XKR6: variants seen among roughly 807,000 people sequenced by gnomAD.
The protein encoded by XKR6 is XK related 6, also known as XK-related protein 6.
Under a neutral mutation model 56.7 loss-of-function variants are expected in XKR6, and 22 were observed. The observed-to-expected ratio is 0.39, with a 90% CI of 0.28 to 0.55. XKR6 has a LOEUF of 0.55. Ranked by LOEUF, XKR6 falls within the 20% of genes least tolerant of loss-of-function variation. The pLI is 0.66. For missense variants in XKR6, 852 were observed against 889.0 expected (o/e 0.96, Z 0.53); for synonymous variants, 524 against 387.8 (o/e 1.35, Z -4.13).
chr8:11,138,586 T>C (rs990332997), intron 1 of XKR6: 2 of 152,216 alleles, frequency 1.3e-5, no homozygotes, highest in African/African-American at 4.8e-5. Flanking sequence ...AGCAAAACTG[T>C]CTCTTATTTA....
chr8:11,165,305 G>T (rs1033434669), intron 1 of XKR6, among the ~76,000 whole-genome samples: 4 of 151,906 alleles, frequency 2.6e-5, no homozygotes, highest in African/African-American at 9.7e-5. Flanking sequence ...TCACCATGTT[G>T]GCCAGGCTGG....
chr8:11,198,525 AAAAT>A (rs1804017321), intron 1 of XKR6, among the ~76,000 whole-genome samples: 1 of 152,166 alleles, frequency 6.6e-6, no homozygotes, highest in Non-Finnish European at 1.5e-5. Context: ...AGAAAAAAAA[AAAAT>A]ACTACCCTAC....
intron 1 of XKR6, among the ~76,000 whole-genome samples, chr8:11,130,081 C>T (rs1800028385): frequency 6.6e-6 from 1 of 152,080 alleles, no homozygotes; most frequent in Non-Finnish European, 1.5e-5. Context: ...ATTACATACT[C>T]AAAACACACA....
chr8:11,186,225 C>T (rs980222868), intron 1 of XKR6, among the ~76,000 whole-genome samples: 3 of 152,122 alleles, frequency 2.0e-5, no homozygotes, highest in African/African-American at 7.2e-5. Flanking sequence ...GGTACCTGAT[C>T]TACACAGAAT....
At chr8:11,152,189 G>A (rs1801301347) in intron 1 of XKR6, among the ~76,000 whole-genome samples, 1 of 152,156 alleles carries the variant, frequency 6.6e-6, no homozygotes, top group Non-Finnish European at 1.5e-5. Context: ...TGAATGCTAA[G>A]GACATTAGTG....
At chr8:11,060,577 A>T (rs538944842) in intron 1 of XKR6, among the ~76,000 whole-genome samples, 1 of 152,290 alleles carries the variant, frequency 6.6e-6, no homozygotes, top group South Asian at 2.1e-4. Flanking sequence ...TCCTGCATAC[A>T]AGGGACTAAG....
chr8:11,191,700 A>G (rs1165137761), intron 1 of XKR6, among the ~76,000 whole-genome samples: 1 of 135,900 alleles, frequency 7.4e-6, no homozygotes, highest in Non-Finnish European at 1.5e-5. Context: ...CAATGTCATG[A>G]GAAAAAAAAA....
chr8:11,137,233 G>A (rs3021495), intron 1 of XKR6: 3 of 237,880 alleles, frequency 1.3e-5, no homozygotes, highest in East Asian at 1.3e-4. Context: ...TGTATGTGGT[G>A]AGGAAAGCGG....
intron 1 of XKR6, chr8:11,109,172 T>A (rs1272715750): frequency 6.6e-6 from 1 of 152,212 alleles, no homozygotes; most frequent in Non-Finnish European, 1.5e-5. Flanking sequence ...GTGTAAGGTT[T>A]TCTTTGGAAC....
chr8:10,928,707 G>T (rs1454401646), intron 1 of XKR6, among the ~76,000 whole-genome samples: 1 of 149,836 alleles, frequency 6.7e-6, no homozygotes, highest in African/African-American at 2.5e-5. Context: ...CGGAGTGCAA[G>T]CCCAGAGGTG....
At chr8:11,154,244 T>C (rs1200139696) in intron 1 of XKR6, among the ~76,000 whole-genome samples, 1 of 151,956 alleles carries the variant, frequency 6.6e-6, no homozygotes, top group African/African-American at 2.4e-5. Flanking sequence ...GGTGACGGAG[T>C]TCAACTTTGT....
At chr8:10,994,732 A>T (rs1798071371) in intron 1 of XKR6, among the ~76,000 whole-genome samples, 1 of 152,234 alleles carries the variant, frequency 6.6e-6, no homozygotes, top group African/African-American at 2.4e-5. Flanking sequence ...TACCCATTTT[A>T]TCGATGAGGA....
intron 1 of XKR6, among the ~76,000 whole-genome samples, chr8:11,060,354 C>T (rs143429973): frequency 3.8e-4 from 58 of 152,302 alleles, no homozygotes; most frequent in African/African-American, 1.3e-3. Context: ...CAGGCCTCCC[C>T]GCATCCAGCC....
chr8:10,987,654 A>T (rs1797892581), intron 1 of XKR6, among the ~76,000 whole-genome samples: 1 of 152,164 alleles, frequency 6.6e-6, no homozygotes. Flanking sequence ...CTGTAATCAT[A>T]CCCTGTCTCT....
chr8:11,135,897 C>A (rs1259566685), intron 1 of XKR6, among the ~76,000 whole-genome samples: 4 of 151,874 alleles, frequency 2.6e-5, no homozygotes, highest in Non-Finnish European at 4.4e-5. Flanking sequence ...AAATATTTCT[C>A]CCAAAATGCA....
chr8:11,101,021 C>T (rs1205859544), intron 1 of XKR6, among the ~76,000 whole-genome samples: 1 of 152,170 alleles, frequency 6.6e-6, no homozygotes, highest in African/African-American at 2.4e-5. Context: ...AGTGGTACCA[C>T]GCACATCGGA....
intron 1 of XKR6, among the ~76,000 whole-genome samples, chr8:10,996,408 A>G (rs1201119899): frequency 2.6e-5 from 4 of 152,152 alleles, no homozygotes; most frequent in African/African-American, 9.7e-5. Context: ...TTGCTTTTAT[A>G]TGTTCTGCTT....
chr8:11,142,271 G>A (rs1800742555), intron 1 of XKR6, among the ~76,000 whole-genome samples: 1 of 152,022 alleles, frequency 6.6e-6, no homozygotes, highest in Non-Finnish European at 1.5e-5. Context: ...CTGATTCTAG[G>A]CCTGGGCAAG....
chr8:11,009,497 G>A (rs1269553512), intron 1 of XKR6, among the ~76,000 whole-genome samples: 1 of 152,184 alleles, frequency 6.6e-6, no homozygotes, highest in Non-Finnish European at 1.5e-5. Flanking sequence ...GTGAGAGAGT[G>A]AGATCCTGTC....
Sources: allele counts gnomAD v4.1 joint callset (sites outside exome capture counted in the v4.1 genomes callset), GRCh38; gene constraint gnomAD v4.1.1; transcripts MANE v1.5; gene names NCBI Gene and HGNC (gene_info 2026-07-23, HGNC 2026-07-21).